INTS9: variants seen among roughly 807,000 people sequenced by gnomAD.
The protein encoded by INTS9 is integrator complex subunit 9, also known as protein related to CPSF subunits of 74 kDa.
A neutral mutation model predicts 79.7 loss-of-function variants in INTS9; 55 were observed. The observed-to-expected ratio is 0.69, with a 90% CI of 0.56 to 0.86. INTS9 has a LOEUF of 0.86. Among genes scored for constraint, INTS9 ranks in the 40% least tolerant of loss-of-function variants. The probability of loss-of-function intolerance (pLI) is 0.00; values close to 1 mark genes in which losing one functional copy is unlikely to be tolerated. For missense variants in INTS9, 721 were observed against 831.5 expected (o/e 0.87, Z 1.64); for synonymous variants, 319 against 325.2 (o/e 0.98, Z 0.20).
intron 8 of INTS9, among the ~76,000 whole-genome samples, chr8:28,809,820 C>T (rs1031453250): frequency 2.0e-5 from 3 of 152,188 alleles, no homozygotes; most frequent in African/African-American, 7.2e-5. Context: ...CCGCCAGATG[C>T]AGGAAAAAAT....
chr8:28,866,741 C>A (rs926033248), intron 1 of INTS9, among the ~76,000 whole-genome samples: 2 of 151,958 alleles, frequency 1.3e-5, no homozygotes, highest in Admixed American at 1.3e-4. Flanking sequence ...CTTTGGGAGG[C>A]CGAGGCGGGC....
rs915969464 is a variant in INTS9 at position 28,837,697 on chromosome 8, G to C, written c.341C>G (p.Thr114Ser). 1.9e-6 allele frequency: 3 copies of C among 1,613,984 alleles called. No homozygotes were observed. Among genetic ancestry groups the C allele is most frequent in the Admixed American group, 3.3e-5 (2 of 60,020 alleles). The change falls in exon 5 of 17, where the codon ACC (threonine) becomes AGC (serine). Residue 114 changes from threonine (T) to serine (S), a missense_variant. Coordinates refer to ENST00000521022, the MANE Select transcript of INTS9 (RefSeq NM_018250.4). ...TGTGCCTGTGAAGCCGGTGTGCTCG[G>C]TGATGTATGGCAGCGCCATCATACA... ...YHCMMALPYI[T>S]EHTGFTGTVY...
At chr8:28,842,166 AT>A (rs1171817955) in intron 4 of INTS9, among the ~76,000 whole-genome samples, 2 of 152,162 alleles carry the variant, frequency 1.3e-5, no homozygotes, top group Admixed American at 6.5e-5. Context: ...GAAGTGAATC[AT>A]CATAGAGGTC....
At chr8:28,817,881 A>C (rs1226609335) in intron 6 of INTS9, among the ~76,000 whole-genome samples, 1 of 151,308 alleles carries the variant, frequency 6.6e-6, no homozygotes, top group Non-Finnish European at 1.5e-5. Flanking sequence ...ATCCCTTGTA[A>C]GTTGGATTCC....
At chr8:28,871,860 C>T (rs1809113979) in intron 1 of INTS9, among the ~76,000 whole-genome samples, 1 of 151,852 alleles carries the variant, frequency 6.6e-6, no homozygotes, top group Non-Finnish European at 1.5e-5. Flanking sequence ...AAAACCAAGA[C>T]AAAAAATTGA....
chr8:28,838,586 G>A (rs1026953877), intron 4 of INTS9, among the ~76,000 whole-genome samples: 2 of 152,116 alleles, frequency 1.3e-5, no homozygotes, highest in African/African-American at 2.4e-5. Flanking sequence ...ATCTTCCTCA[G>A]AACTCCCAAA....
chr8:28,850,761 G>A (rs541904243), intron 2 of INTS9, among the ~76,000 whole-genome samples: 15 of 152,116 alleles, frequency 9.9e-5, no homozygotes, highest in Non-Finnish European at 7.4e-5. Flanking sequence ...TCCAATCCAC[G>A]CTTTGGGTTC....
chr8:28,874,289 GT>G lies in INTS9; in HGVS notation c.10-14727del, dbSNP rs780879321. Among the ~76,000 whole-genome samples the G allele has an allele frequency of 3.0e-3, 420 of 142,096 alleles. 1 individual carries two copies. Among genetic ancestry groups the G allele is most frequent in the African/African-American group, 8.4e-3 (329 of 39,014 alleles). 93.2% of individuals were successfully genotyped at this position (142,096 alleles called of 152,430 possible). A position where few individuals can be genotyped will look rare whatever the true frequency, so the allele number is the denominator to read the frequency against. ...ATGTTTAAAAATTCATATTTAAACT[GT>G]TTTTTTTTTTTTGTTTTGAGACAGA... On this transcript the variant is annotated intron_variant, in intron 1 of 16. Transcript: ENST00000521022.
Position 28,796,565 on chromosome 8 carries a change from C to T in INTS9, c.835G>A (p.Gly279Arg). ...IPTANPDGMVGEFCSNLALTV... is the reference protein window; with the variant it reads ...IPTANPDGMVREFCSNLALTV... ...ACACCTAGGTTGCTGCAGAACTCTC[C>T]CACCATTCCATCTGGGTTTGCAGTG... is the stretch of plus-strand genomic sequence containing the variant. The change falls in exon 9 of 17, where the codon GGA becomes AGA. Residue 279 changes from glycine (G) to arginine (R), a missense_variant. By Grantham distance (125) the Gly-to-Arg change is moderately radical. Transcript: ENST00000521022. 6.2e-7 allele frequency: 1 copy of T among 1,612,074 alleles called. No individual in the cohort carries two copies. Among genetic ancestry groups the T allele is most frequent in the Non-Finnish European group, 8.5e-7 (1 of 1,178,136 alleles).
At chr8:28,856,758 G>A (rs914224052) in intron 2 of INTS9, among the ~76,000 whole-genome samples, 3 of 152,172 alleles carry the variant, frequency 2.0e-5, no homozygotes, top group African/African-American at 7.2e-5. Flanking sequence ...TACATGTGCA[G>A]GTTTGTTACC....
Position 28,813,629 on chromosome 8 carries a change from A to G in INTS9, c.489-17T>C, listed in dbSNP as rs1805292206. The G allele has an allele frequency of 2.5e-6, 4 of 1,612,014 alleles. No homozygotes were observed. The highest frequency in any genetic ancestry group is 3.4e-6 in the Non-Finnish European group (4 of 1,179,294). Reference sequence around the variant, plus strand: ...GGTAACAGCCTGCAAATGGATCACAATGTCAACTACCAGGTGAACATTTCT... The same window carrying G: ...GGTAACAGCCTGCAAATGGATCACAGTGTCAACTACCAGGTGAACATTTCT... On this transcript the variant is annotated splice_polypyrimidine_tract_variant and intron_variant, in intron 6 of 16. Transcript: ENST00000521022.
intron 1 of INTS9, among the ~76,000 whole-genome samples, chr8:28,886,558 A>AT (rs1191744768): frequency 2.0e-5 from 3 of 152,158 alleles, no homozygotes; most frequent in Admixed American, 1.3e-4. Context: ...GAAGATCTTA[A>AT]TTGAACCACA....
chr8:28,813,354 C>T (rs548557114), intron 7 of INTS9, 138 bp downstream of exon 7: 30 of 829,948 alleles, frequency 3.6e-5, no homozygotes, highest in Middle Eastern at 3.6e-4. Flanking sequence ...CTGCGCGGAA[C>T]GGAGGAAAGA....
chr8:28,843,744 T>G (rs553274168), intron 4 of INTS9, among the ~76,000 whole-genome samples: 2 of 152,210 alleles, frequency 1.3e-5, no homozygotes, highest in African/African-American at 4.8e-5. Flanking sequence ...TTTTTTTTTT[T>G]TAAACAATGG....
At chr8:28,854,006 C>T (rs1361422950) in intron 2 of INTS9, among the ~76,000 whole-genome samples, 1 of 152,164 alleles carries the variant, frequency 6.6e-6, no homozygotes, top group East Asian at 1.9e-4. Context: ...CAGGCGTAAG[C>T]CACCGCGCCT....
chr8:28,791,568 C>T (rs543544040), intron 10 of INTS9, among the ~76,000 whole-genome samples: 5 of 152,164 alleles, frequency 3.3e-5, no homozygotes, highest in African/African-American at 1.2e-4. Context: ...TCTTAACCCC[C>T]CAAATGGGGT....
At chr8:28,822,493 AT>A (rs1220209235) in intron 6 of INTS9, among the ~76,000 whole-genome samples, 1 of 152,224 alleles carries the variant, frequency 6.6e-6, no homozygotes, top group East Asian at 1.9e-4. Context: ...ATAAAACTTT[AT>A]AAAAACAGTG....
intron 1 of INTS9, among the ~76,000 whole-genome samples, chr8:28,886,345 G>C (rs974027342): frequency 6.6e-6 from 1 of 151,092 alleles, no homozygotes; most frequent in South Asian, 2.1e-4. Context: ...CCTTCTAGGC[G>C]CAAGTGATCC....
At chr8:28,810,133 T>C (rs1162699268) in intron 8 of INTS9, 1 of 152,330 alleles carries the variant, frequency 6.6e-6, no homozygotes, top group African/African-American at 2.4e-5. Context: ...CCACTGGACT[T>C]TGTGTAAGAA....
Sources: gnomAD v4.1 joint callset for allele counts (sites outside exome capture counted in the v4.1 genomes callset) on GRCh38, gnomAD v4.1.1 for gene constraint, MANE v1.5 for transcripts, NCBI Gene and HGNC (gene_info 2026-07-23, HGNC 2026-07-21) for gene names.